The following RALYL variants were observed in gnomAD, a reference collection of about 807,000 sequenced individuals.
The protein encoded by RALYL is RNA-binding Raly-like protein.
RALYL carries 29 observed loss-of-function variants against 35.1 expected under a neutral mutation model. The ratio of observed to expected loss-of-function variants is 0.83; its 90% confidence interval spans 0.61 to 1.13. The LOEUF is 1.13. Ranked by LOEUF, RALYL falls within the 50% of genes most tolerant of loss-of-function variation. The pLI is 0.00. For missense variants in RALYL, 359 were observed against 360.4 expected (o/e 1.00, Z 0.03); for synonymous variants, 120 against 127.6 (o/e 0.94, Z 0.40).
intron 2 of RALYL, among the ~76,000 whole-genome samples, chr8:84,632,016 A>G (rs1824021203): frequency 6.6e-6 from 1 of 151,776 alleles, no homozygotes; most frequent in Non-Finnish European, 1.5e-5. Context: ...TGAAATTGTA[A>G]CTCCTAAAAT....
At chr8:84,339,228 A>G (rs570539831) in intron 1 of RALYL, among the ~76,000 whole-genome samples, 1 of 152,162 alleles carries the variant, frequency 6.6e-6, no homozygotes, top group African/African-American at 2.4e-5. Context: ...GGGGTCCACA[A>G]TGCCCTGGCC....
intron 4 of RALYL, among the ~76,000 whole-genome samples, chr8:84,839,967 T>A (rs1184727155): frequency 6.6e-6 from 1 of 152,118 alleles, no homozygotes; most frequent in African/African-American, 2.4e-5. Flanking sequence ...ACCCCATCTG[T>A]ACGTCACCAT....
At chr8:84,560,561 C>A (rs2061413627) in intron 2 of RALYL, among the ~76,000 whole-genome samples, 1 of 151,984 alleles carries the variant, frequency 6.6e-6, no homozygotes, top group Admixed American at 6.6e-5. Flanking sequence ...TCCCCCACCA[C>A]CAAAATTTAG....
intron 2 of RALYL, among the ~76,000 whole-genome samples, chr8:84,664,263 A>ATTTTTTTTTTTTT (rs60423756): frequency 1.7e-5 from 1 of 58,034 alleles, no homozygotes; most frequent in Non-Finnish European, 2.9e-5. Flanking sequence ...ATGCCTCTAG[A>ATTTTTTTTTTTTT]TTTTTTTTTT....
At chr8:84,570,770 G>T (rs1000321360) in intron 2 of RALYL, among the ~76,000 whole-genome samples, 8 of 151,614 alleles carry the variant, frequency 5.3e-5, no homozygotes, top group Non-Finnish European at 8.8e-5. Context: ...TTGATGCCTG[G>T]TTTTTTGTGG....
chr8:84,827,645 C>T (rs1461962394), intron 4 of RALYL, among the ~76,000 whole-genome samples: 3 of 151,988 alleles, frequency 2.0e-5, no homozygotes, highest in Non-Finnish European at 4.4e-5. Flanking sequence ...AAAAGAAAAG[C>T]TTCCATCAAA....
chr8:84,254,497 C>G (rs1830834623), intron 1 of RALYL, among the ~76,000 whole-genome samples: 1 of 151,976 alleles, frequency 6.6e-6, no homozygotes, highest in Non-Finnish European at 1.5e-5. Flanking sequence ...GCCTTTGACA[C>G]TGGGACATGT....
chr8:84,531,517 T>G (rs531053435), intron 2 of RALYL, among the ~76,000 whole-genome samples: 1 of 152,178 alleles, frequency 6.6e-6, no homozygotes, highest in South Asian at 2.1e-4. Context: ...TTTGTTTTCC[T>G]TAATGTCTCC....
intron 8 of RALYL, among the ~76,000 whole-genome samples, chr8:84,913,790 G>GT (rs1373629462): frequency 3.3e-5 from 5 of 151,524 alleles, no homozygotes; most frequent in African/African-American, 7.3e-5. Flanking sequence ...GCTTTAAGTG[G>GT]TTTTTTTTAA....
intron 1 of RALYL, among the ~76,000 whole-genome samples, chr8:84,319,578 C>A (rs1161739018): frequency 6.6e-6 from 1 of 152,126 alleles, no homozygotes; most frequent in East Asian, 1.9e-4. Context: ...CCAGATGATA[C>A]GCTCAAAGAA....
At chr8:84,690,947 G>A (rs1198391904) in intron 2 of RALYL, among the ~76,000 whole-genome samples, 1 of 151,810 alleles carries the variant, frequency 6.6e-6, no homozygotes, top group African/African-American at 2.4e-5. Context: ...CTATATAGGT[G>A]GAAAATGACA....
intron 2 of RALYL, among the ~76,000 whole-genome samples, chr8:84,631,035 A>T (rs1823805293): frequency 6.6e-6 from 1 of 152,076 alleles, no homozygotes; most frequent in South Asian, 2.1e-4. Flanking sequence ...GAAGGCATAT[A>T]GTTATTTTAG....
At chr8:84,557,538 G>A (rs1173040599) in intron 2 of RALYL, among the ~76,000 whole-genome samples, 1 of 152,120 alleles carries the variant, frequency 6.6e-6, no homozygotes, top group African/African-American at 2.4e-5. Context: ...TAGAGCTTAT[G>A]CATTCTCTAT....
intron 2 of RALYL, among the ~76,000 whole-genome samples, chr8:84,629,629 CAT>C (rs775877368): frequency 4.0e-5 from 6 of 151,844 alleles, no homozygotes; most frequent in Non-Finnish European, 7.4e-5. Context: ...AAATTCAGCT[CAT>C]ATGACAGAAC....
intron 1 of RALYL, among the ~76,000 whole-genome samples, chr8:84,348,842 G>A (rs986133009): frequency 1.3e-5 from 2 of 150,512 alleles, no homozygotes; most frequent in African/African-American, 4.9e-5. Flanking sequence ...TGCATGGAAA[G>A]TTTTGACATT....
chr8:84,689,782 A>T (rs1033046535), intron 2 of RALYL, among the ~76,000 whole-genome samples: 1 of 152,190 alleles, frequency 6.6e-6, no homozygotes, highest in African/African-American at 2.4e-5. Context: ...AACTGGTGTG[A>T]GATGATATCT....
chr8:84,462,373 G>A (rs147896589), intron 1 of RALYL, among the ~76,000 whole-genome samples: 257 of 150,146 alleles, frequency 1.7e-3, no homozygotes, highest in African/African-American at 6.0e-3. Context: ...AAATGTTTTC[G>A]TTTCTTCCTA....
intron 7 of RALYL, among the ~76,000 whole-genome samples, chr8:84,879,799 G>A (rs142826582): frequency 6.6e-6 from 1 of 151,956 alleles, no homozygotes; most frequent in Non-Finnish European, 1.5e-5. Flanking sequence ...TTAGCAACTA[G>A]ATCAAACCTT....
chr8:84,808,169 T>G (rs1247109032), intron 4 of RALYL, among the ~76,000 whole-genome samples: 1 of 152,240 alleles, frequency 6.6e-6, no homozygotes, highest in African/African-American at 2.4e-5. Context: ...CTTCTTGAGT[T>G]GATTTATGTA....
Sources: allele counts gnomAD v4.1 joint callset (sites outside exome capture counted in the v4.1 genomes callset), GRCh38; gene constraint gnomAD v4.1.1; transcripts MANE v1.5; gene names NCBI Gene and HGNC (gene_info 2026-07-23, HGNC 2026-07-21).